Variants in EML4 observed in about 807,000 individuals in gnomAD.
The protein encoded by EML4 is EMAP like 4.
EML4 carries 72 observed loss-of-function variants against 129.0 expected under a neutral mutation model. The observed-to-expected ratio is 0.56, with a 90% CI of 0.46 to 0.68. EML4 has a LOEUF of 0.68. EML4 is among the 30% of genes least tolerant of loss of function. The pLI, the probability that EML4 is intolerant of heterozygous loss-of-function variation, is 0.00. For synonymous variants in EML4, 532 were observed against 405.0 expected (o/e 1.31, Z -3.77); for missense variants, 1,363 against 1,190.6 (o/e 1.14, Z -2.13).
rs1423331829 is a variant in EML4, at chr2:42,330,131, C to G, written c.2870C>G (p.Pro957Arg). The change falls in exon 23 of 23, where the codon CCA (proline) becomes CGA (arginine). Residue 957 changes from proline (P) to arginine (R), a missense_variant. Transcript: ENST00000318522. ...GDLGEPLYEE[P>R]CNEISKEQAK... ...CTTGGTGAGCCTCTTTATGAAGAGCCATGCAACGAGATAAGCAAGGAGCAG... is the reference window on the plus strand; with the variant it reads ...CTTGGTGAGCCTCTTTATGAAGAGCGATGCAACGAGATAAGCAAGGAGCAG... 1.2e-6 allele frequency: 2 copies of G among 1,611,920 alleles called. No homozygotes were observed. Among genetic ancestry groups the G allele is most frequent in the African/African-American group, 2.7e-5 (2 of 74,070 alleles).
intron 1 of EML4, among the ~76,000 whole-genome samples, chr2:42,193,964 C>T (rs1385018510): frequency 6.6e-6 from 1 of 152,128 alleles, no homozygotes; most frequent in Non-Finnish European, 1.5e-5. Context: ...GGATTACAGG[C>T]CTGAAACACT....
intron 6 of EML4, among the ~76,000 whole-genome samples, chr2:42,280,299 A>G (rs1666934769): frequency 6.6e-6 from 1 of 152,182 alleles, no homozygotes; most frequent in South Asian, 2.1e-4. Context: ...TCAAAAAATT[A>G]TTCTCAGTTA....
chr2:42,191,593 C>T (rs987986851), intron 1 of EML4, among the ~76,000 whole-genome samples: 1 of 152,142 alleles, frequency 6.6e-6, no homozygotes, highest in Non-Finnish European at 1.5e-5. Flanking sequence ...GCAGACATGG[C>T]CACCTGGGGG....
intron 9 of EML4, among the ~76,000 whole-genome samples, chr2:42,285,387 G>T (rs1233306356): frequency 1.3e-5 from 2 of 152,124 alleles, no homozygotes; most frequent in African/African-American, 4.8e-5. Context: ...TCAGGCTTCA[G>T]TTTCTTTAAA....
chr2:42,260,662 G>T (rs1038653976), intron 3 of EML4, among the ~76,000 whole-genome samples: 2 of 152,034 alleles, frequency 1.3e-5, no homozygotes, highest in African/African-American at 4.8e-5. Flanking sequence ...TAAACTCTTG[G>T]TAAGTTTAAA....
intron 1 of EML4, among the ~76,000 whole-genome samples, chr2:42,238,053 T>C (rs891542543): frequency 1.3e-5 from 2 of 152,222 alleles, no homozygotes; most frequent in African/African-American, 4.8e-5. Flanking sequence ...CTTTATTTCA[T>C]GCACAAAATT....
intron 6 of EML4, among the ~76,000 whole-genome samples, chr2:42,271,309 G>T (rs1464820168): frequency 6.6e-6 from 1 of 152,182 alleles, no homozygotes; most frequent in Non-Finnish European, 1.5e-5. Context: ...ATTTAAGAGG[G>T]TAGAGAAGGC....
chr2:42,272,132 A>G (rs1666407466), intron 6 of EML4, among the ~76,000 whole-genome samples: 1 of 150,826 alleles, frequency 6.6e-6, no homozygotes, highest in African/African-American at 2.4e-5. Flanking sequence ...TCTATACTGT[A>G]TTTCTTACTC....
intron 1 of EML4, 139 bp downstream of exon 1, chr2:42,169,775 C>G: frequency 3.2e-6 from 3 of 928,400 alleles, no homozygotes; most frequent in Non-Finnish European, 4.6e-6. Context: ...TCGAGGCTGC[C>G]GCCCCTCCGC....
chr2:42,241,878 G>T (rs901743097), intron 1 of EML4, among the ~76,000 whole-genome samples: 1 of 150,668 alleles, frequency 6.6e-6, no homozygotes, highest in African/African-American at 2.5e-5. Context: ...GTGTGTCGGG[G>T]GGGGGAAGCT....
intron 1 of EML4, among the ~76,000 whole-genome samples, chr2:42,244,451 T>C (rs1298930832): frequency 6.6e-6 from 1 of 152,220 alleles, no homozygotes; most frequent in Admixed American, 6.5e-5. Context: ...AATACAGTAG[T>C]ATAGTCTAAA....
intron 4 of EML4, chr2:42,261,573 CAA>C (rs1425110019): frequency 3.9e-6 from 1 of 258,546 alleles, no homozygotes; most frequent in East Asian, 6.5e-5. Flanking sequence ...GAAAACCAAA[CAA>C]TATTTTCTTA....
intron 1 of EML4, among the ~76,000 whole-genome samples, chr2:42,213,653 C>T (rs1302161916): frequency 6.6e-6 from 1 of 152,092 alleles, no homozygotes; most frequent in Admixed American, 6.6e-5. Flanking sequence ...TTTTTCGCAG[C>T]AGCGATATGA....
chr2:42,264,719 A>G lies in EML4; in HGVS notation c.655A>G (p.Ile219Val), dbSNP rs754788980. Residue 219 changes from isoleucine to valine, a missense_variant, in exon 6 of 23, where the codon ATC becomes GTC. By Grantham distance (29) the Ile-to-Val change is conservative. Coordinates refer to ENST00000318522, the MANE Select transcript of EML4 (RefSeq NM_019063.5). The stretch of plus-strand genomic sequence containing the variant: ...TTTCTTTTCTAGGCATAAAGATGTC[A>G]TCATCAACCAAGGTAAATTAAAAAT... ...TKTADKHKDVIINQEGEYIKM... is the reference protein window; with the variant it reads ...TKTADKHKDVVINQEGEYIKM... 5.5e-6 allele frequency: 8 copies of G among 1,449,618 alleles called. No homozygotes were observed. Among genetic ancestry groups the G allele is most frequent in the South Asian group, 1.2e-5 (1 of 84,002 alleles). The allele number at this position is 1,449,618 out of a possible 1,614,324, so 89.8% of individuals were successfully genotyped here. A position where few individuals can be genotyped will look rare whatever the true frequency, so the allele number is the denominator to read the frequency against.
rs887934399 is a variant in EML4, at chr2:42,331,629, C to T, written c.*1422C>T. On this transcript the variant is annotated 3_prime_UTR_variant, in exon 23 of 23. Coordinates refer to ENST00000318522, the MANE Select transcript of EML4 (RefSeq NM_019063.5). Reference sequence around the variant, plus strand: ...AGTTAAGAAGTCTTAAGTATGCAGGCGTTTACGTGATTGTGCCATTCCAAA... The same window carrying T: ...AGTTAAGAAGTCTTAAGTATGCAGGTGTTTACGTGATTGTGCCATTCCAAA... 1 of 223,702 alleles carries T rather than the reference C, an allele frequency of 4.5e-6. No individual in the cohort carries two copies. Among genetic ancestry groups the T allele is most frequent in the East Asian group, 6.5e-5 (1 of 15,302 alleles). The allele number at this position is 223,702 out of a possible 1,614,324, so 13.9% of individuals were successfully genotyped here.
intron 1 of EML4, among the ~76,000 whole-genome samples, chr2:42,214,381 A>G (rs1175976926): frequency 1.3e-5 from 2 of 152,156 alleles, no homozygotes; most frequent in African/African-American, 4.8e-5. Context: ...ATTCCCAACT[A>G]TGTAGCTTTT....
chr2:42,275,856 T>C (rs1038145915), intron 6 of EML4, among the ~76,000 whole-genome samples: 4 of 152,170 alleles, frequency 2.6e-5, no homozygotes, highest in Admixed American at 2.0e-4. Context: ...GGCAGGTAGT[T>C]TTCCTCACTT....
chr2:42,296,338 CAAA>C (rs1298393124), intron 13 of EML4, among the ~76,000 whole-genome samples: 2 of 150,220 alleles, frequency 1.3e-5, no homozygotes, highest in African/African-American at 4.9e-5. Context: ...AATAATTCAC[CAAA>C]AAAAAAGTAA....
intron 1 of EML4, among the ~76,000 whole-genome samples, chr2:42,175,364 C>T (rs1298611326): frequency 2.0e-5 from 3 of 151,194 alleles, no homozygotes; most frequent in East Asian, 2.0e-4. Flanking sequence ...TCGCCTGCCT[C>T]GGCCTTCCAA....
Sources: gnomAD v4.1 joint callset for allele counts (sites outside exome capture counted in the v4.1 genomes callset) on GRCh38, gnomAD v4.1.1 for gene constraint, MANE v1.5 for transcripts, NCBI Gene and HGNC (gene_info 2026-07-23, HGNC 2026-07-21) for gene names.